Variants in LINGO2 observed in about 807,000 individuals in gnomAD.
The protein encoded by LINGO2 is leucine-rich repeat and immunoglobulin-like domain-containing nogo receptor-interacting protein 2.
LINGO2 carries 14 observed loss-of-function variants against 30.6 expected under a neutral mutation model. The observed-to-expected ratio is 0.46, with a 90% CI of 0.30 to 0.72. The LOEUF (loss-of-function observed/expected upper bound fraction) is 0.72. LINGO2 is among the 30% of genes least tolerant of loss of function. The pLI is 0.07. For missense variants in LINGO2, 729 were observed against 751.7 expected (o/e 0.97, Z 0.35); for synonymous variants, 317 against 288.5 (o/e 1.10, Z -1.00).
intron 1 of LINGO2, among the ~76,000 whole-genome samples, chr9:28,616,406 C>T (rs1316676873): frequency 6.6e-6 from 1 of 152,148 alleles, no homozygotes; most frequent in Non-Finnish European, 1.5e-5. Flanking sequence ...TGACCCACAT[C>T]AGCTGCTTTC....
At chr9:28,573,448 C>T (rs1274379490) in intron 1 of LINGO2, among the ~76,000 whole-genome samples, 1 of 152,140 alleles carries the variant, frequency 6.6e-6, no homozygotes, top group Non-Finnish European at 1.5e-5. Flanking sequence ...CTCAAAACTC[C>T]ATTCAACCAC....
the LINGO2 span, among the ~76,000 whole-genome samples, chr9:28,995,799 T>C: frequency 2.0e-5 from 3 of 151,500 alleles, no homozygotes; most frequent in African/African-American, 7.3e-5. Flanking sequence ...ATGTTCTCAC[T>C]CATAGGTGGG....
the LINGO2 span, among the ~76,000 whole-genome samples, chr9:28,732,043 C>T: frequency 1.8e-4 from 28 of 152,048 alleles, no homozygotes; most frequent in African/African-American, 6.5e-4. Flanking sequence ...ATTTCATCCT[C>T]AACTGAACCT....
the LINGO2 span, among the ~76,000 whole-genome samples, chr9:29,025,919 A>G: frequency 3.3e-5 from 5 of 152,132 alleles, no homozygotes; most frequent in African/African-American, 1.2e-4. Context: ...GGCTTATTTC[A>G]ATTAACAAAA....
At chr9:29,137,314 T>C in the LINGO2 span, among the ~76,000 whole-genome samples, 1 of 152,164 alleles carries the variant, frequency 6.6e-6, no homozygotes. Flanking sequence ...TATTCACGTT[T>C]TTACATTTTA....
intron 4 of LINGO2, among the ~76,000 whole-genome samples, chr9:28,200,213 C>T (rs1246545962): frequency 6.6e-6 from 1 of 152,086 alleles, no homozygotes; most frequent in Non-Finnish European, 1.5e-5. Context: ...TTAAACTGCA[C>T]AACAGTGACT....
At chr9:28,938,672 A>G in the LINGO2 span, among the ~76,000 whole-genome samples, 1 of 152,218 alleles carries the variant, frequency 6.6e-6, no homozygotes, top group Non-Finnish European at 1.5e-5. Flanking sequence ...CATGCTGTAC[A>G]GGTTTGTAGC....
At chr9:28,444,752 C>A (rs1824355492) in intron 2 of LINGO2, among the ~76,000 whole-genome samples, 1 of 152,232 alleles carries the variant, frequency 6.6e-6, no homozygotes, top group Admixed American at 6.5e-5. Context: ...GTGCCTGAAG[C>A]TGCCCACCCC....
At chr9:28,240,647 A>C (rs572341283) in intron 4 of LINGO2, among the ~76,000 whole-genome samples, 28 of 152,274 alleles carry the variant, frequency 1.8e-4, no homozygotes, top group Non-Finnish European at 1.5e-5. Context: ...TCAAAACAAA[A>C]TAGATTAAAG....
intron 1 of LINGO2, among the ~76,000 whole-genome samples, chr9:28,527,169 A>G (rs898831567): frequency 1.3e-5 from 2 of 152,158 alleles, no homozygotes; most frequent in Non-Finnish European, 2.9e-5. Flanking sequence ...TGTACAGGCA[A>G]GCAAACTTGG....
intron 2 of LINGO2, among the ~76,000 whole-genome samples, chr9:28,409,664 G>A (rs1018075103): frequency 2.0e-5 from 3 of 150,588 alleles, no homozygotes; most frequent in African/African-American, 7.3e-5. Context: ...ATGTTTCGAA[G>A]TCATTGTAAA....
chr9:27,999,512 G>A (rs16912226), intron 5 of LINGO2, among the ~76,000 whole-genome samples: 7,983 of 151,542 alleles, frequency 0.053, 392 homozygotes, highest in African/African-American at 0.11. Context: ...TGCTTATGTA[G>A]GGAGTGTGAT....
chr9:28,545,855 C>T (rs1821911725), intron 1 of LINGO2, among the ~76,000 whole-genome samples: 1 of 151,964 alleles, frequency 6.6e-6, no homozygotes, highest in Non-Finnish European at 1.5e-5. Context: ...TAAATAACTT[C>T]CTCAATGTCA....
intron 1 of LINGO2, among the ~76,000 whole-genome samples, chr9:28,586,530 T>C (rs1330428294): frequency 2.6e-5 from 4 of 152,092 alleles, no homozygotes; most frequent in Non-Finnish European, 5.9e-5. Flanking sequence ...ATCATGAATG[T>C]ATAAGTATAG....
the LINGO2 span, among the ~76,000 whole-genome samples, chr9:28,718,513 T>A: frequency 1.3e-5 from 2 of 152,058 alleles, no homozygotes; most frequent in Non-Finnish European, 1.5e-5. Flanking sequence ...TCATAATTGC[T>A]TGATTTCTTT....
chr9:28,715,453 C>G, the LINGO2 span, among the ~76,000 whole-genome samples: 2 of 152,034 alleles, frequency 1.3e-5, no homozygotes, highest in African/African-American at 2.4e-5. Flanking sequence ...TTAATTTATT[C>G]TGCAATGTAC....
intron 4 of LINGO2, among the ~76,000 whole-genome samples, chr9:28,267,391 A>G (rs1390856154): frequency 6.6e-6 from 1 of 152,012 alleles, no homozygotes; most frequent in African/African-American, 2.4e-5. Flanking sequence ...GCAATAAAAT[A>G]AACTTCTAAT....
the LINGO2 span, among the ~76,000 whole-genome samples, chr9:28,880,152 A>C: frequency 6.6e-6 from 1 of 152,288 alleles, no homozygotes; most frequent in Admixed American, 6.5e-5. Flanking sequence ...TCTGTCGCCA[A>C]GGCTGGAGTG....
the LINGO2 span, among the ~76,000 whole-genome samples, chr9:29,095,127 TAA>T: frequency 7.2e-6 from 1 of 138,696 alleles, no homozygotes; most frequent in African/African-American, 2.7e-5. Flanking sequence ...TCATACTCAT[TAA>T]TTTGAGTATT....
Sources: allele counts gnomAD v4.1 joint callset (sites outside exome capture counted in the v4.1 genomes callset), GRCh38; gene constraint gnomAD v4.1.1; transcripts MANE v1.5; gene names NCBI Gene and HGNC (gene_info 2026-07-23, HGNC 2026-07-21).